Variants in ALDH9A1 observed in about 807,000 individuals in gnomAD.
ALDH9A1 encodes the protein aldehyde dehydrogenase 9 family member A1.
Under a neutral mutation model 56.6 loss-of-function variants are expected in ALDH9A1, and 42 were observed. The observed-to-expected ratio is 0.74, with a 90% CI of 0.58 to 0.96. The LOEUF (loss-of-function observed/expected upper bound fraction) is 0.96. Among genes scored for constraint, ALDH9A1 ranks in the 40% least tolerant of loss-of-function variants. The pLI, the probability that ALDH9A1 is intolerant of heterozygous loss-of-function variation, is 0.00. For missense variants in ALDH9A1, 661 were observed against 651.5 expected (o/e 1.01, Z -0.16); for synonymous variants, 242 against 236.0 (o/e 1.03, Z -0.23).
Position 165,691,112 on chromosome 1 carries a change from C to T in ALDH9A1, c.327+4140G>A, listed in dbSNP as rs562168448. On this transcript the variant is annotated intron_variant, in intron 2 of 10. Coordinates refer to ENST00000354775, the MANE Select transcript of ALDH9A1 (RefSeq NM_000696.4). ...GCCTAACTGGGAGACACCTCCCAGT[C>T]GAGGCCGACTGACACCTCATACAGG... Among the ~76,000 whole-genome samples the T allele has an allele frequency of 1.1e-3, 161 of 152,266 alleles. 2 individuals are homozygous for T. The highest frequency in any genetic ancestry group is 5.7e-4 in the Non-Finnish European group (39 of 68,000).
At chr1:165,682,693 G>A (rs894432660) in intron 3 of ALDH9A1, 27 of 358,050 alleles carry the variant, frequency 7.5e-5, no homozygotes, top group Non-Finnish European at 1.1e-4. Flanking sequence ...ATGACAAACC[G>A]ATTCTTATGA....
At chr1:165,665,868 C>T (rs1355573067) in intron 9 of ALDH9A1, among the ~76,000 whole-genome samples, 1 of 152,068 alleles carries the variant, frequency 6.6e-6, no homozygotes. Flanking sequence ...AAAAGTTAAA[C>T]ATAAAGTTAC....
chr1:165,663,084 C>A lies in ALDH9A1; in HGVS notation c.1523G>T (p.Cys508Phe). 6.2e-7 allele frequency: 1 copy of A among 1,614,070 alleles called. No homozygotes were observed. The highest frequency in any genetic ancestry group is 1.1e-5 in the South Asian group (1 of 91,090). The change falls in exon 11 of 11, where the codon TGT becomes TTT. Residue 508 changes from cysteine (C) to phenylalanine (F), a missense_variant. Transcript: ENST00000354775. ...IEYYSQLKTVCVEMGDVESAF is the reference protein window; with the variant it reads ...IEYYSQLKTVFVEMGDVESAF ...AGATTCCACATCACCCATCTCCACA[C>A]ACACAGTCTTCAGCTGTGAATAATA...
intron 8 of ALDH9A1, among the ~76,000 whole-genome samples, chr1:165,668,490 G>A (rs1178760912): frequency 6.6e-6 from 1 of 152,132 alleles, no homozygotes; most frequent in Non-Finnish European, 1.5e-5. Context: ...ATGGTGCCAT[G>A]CTTCCTGTAC....
intron 2 of ALDH9A1, among the ~76,000 whole-genome samples, chr1:165,691,325 A>C (rs940539990): frequency 2.0e-5 from 3 of 152,238 alleles, no homozygotes; most frequent in African/African-American, 7.2e-5. Flanking sequence ...AACTAACAGA[A>C]AGGAATAGCA....
intron 6 of ALDH9A1, among the ~76,000 whole-genome samples, chr1:165,670,888 A>G (rs1281892754): frequency 2.0e-5 from 3 of 152,284 alleles, no homozygotes; most frequent in East Asian, 1.9e-4. Flanking sequence ...CCTGGCCAAC[A>G]TGGCAAGACG....
intron 6 of ALDH9A1, chr1:165,676,726 A>G: frequency 2.0e-6 from 1 of 505,978 alleles, no homozygotes; most frequent in Non-Finnish European, 3.9e-6. Context: ...CCACTGTGTG[A>G]GAACCAACGG....
chr1:165,692,625 A>T (rs1649930129), intron 2 of ALDH9A1, among the ~76,000 whole-genome samples: 1 of 152,194 alleles, frequency 6.6e-6, no homozygotes, highest in Non-Finnish European at 1.5e-5. Context: ...ATATCGCAAA[A>T]ATGGCCATAC....
chr1:165,683,161 AT>A (rs1440203662), intron 2 of ALDH9A1, 51 bp from the exon 3 acceptor site: 21 of 1,573,550 alleles, frequency 1.3e-5, no homozygotes, highest in Non-Finnish European at 1.8e-5. Context: ...ATATGTCTTG[AT>A]GTAATTAATG....
At position 165,682,969 on chromosome 1, in the gene ALDH9A1, G is replaced by A. The variant is rs766584363; in HGVS notation, c.457+12C>T. 1.9e-6 allele frequency: 3 copies of A among 1,613,046 alleles called. No individual in the cohort carries two copies. Among genetic ancestry groups the A allele is most frequent in the South Asian group, 1.1e-5 (1 of 91,016 alleles). On this transcript the variant is annotated intron_variant, in intron 3 of 10. Transcript: ENST00000354775. ...ATTATCAGCTGGTCACAGACACCAG[G>A]TGAGGACTTACCAGCCATGGATGCA...
At chr1:165,682,865 C>CA in intron 3 of ALDH9A1, 116 bp downstream of exon 3, 1 of 1,252,914 alleles carries the variant, frequency 8.0e-7, no homozygotes, top group Non-Finnish European at 1.1e-6. Context: ...TAGAAAGTGA[C>CA]AAACCCAAGA....
intron 6 of ALDH9A1, chr1:165,671,512 G>T: frequency 2.2e-6 from 1 of 461,768 alleles, no homozygotes; most frequent in South Asian, 1.6e-5. Flanking sequence ...AAGTCTAAGG[G>T]ACCGCTCCTA....
chr1:165,671,179 TAAGA>T (rs1649167900), intron 6 of ALDH9A1: 1 of 173,374 alleles, frequency 5.8e-6, no homozygotes, highest in Non-Finnish European at 1.2e-5. Flanking sequence ...TATATGCTGT[TAAGA>T]AAGGCTATGA....
At chr1:165,695,677 T>C (rs988144827) in intron 1 of ALDH9A1, among the ~76,000 whole-genome samples, 3 of 151,688 alleles carry the variant, frequency 2.0e-5, no homozygotes. Context: ...TTGTATTTTT[T>C]AGTAGAGACC....
chr1:165,667,418 C>T lies in ALDH9A1; in HGVS notation c.1240G>A (p.Glu414Lys), dbSNP rs745741311. Reference sequence around the variant, plus strand: ...GACATAACAGGCCCAAAGATCTCTTCCTTCACACAGGTCATGTCGTCTCTG... The same window carrying T: ...GACATAACAGGCCCAAAGATCTCTTTCTTCACACAGGTCATGTCGTCTCTG... ...NCRDDMTCVK[E>K]EIFGPVMSIL... Residue 414 changes from glutamate to lysine, a missense_variant, in exon 9 of 11, where the codon GAA (glutamate) becomes AAA (lysine). Transcript: ENST00000354775. 2 of 1,614,054 alleles carry T rather than the reference C, an allele frequency of 1.2e-6. No homozygotes were observed. The highest frequency in any genetic ancestry group is 2.2e-5 in the South Asian group (2 of 91,078).
intron 6 of ALDH9A1, among the ~76,000 whole-genome samples, chr1:165,670,898 G>A (rs79933726): frequency 0.016 from 2,403 of 152,066 alleles, 66 homozygotes; most frequent in African/African-American, 0.054. Flanking sequence ...ATGGCAAGAC[G>A]TCATCTCTAC....
Position 165,682,023 on chromosome 1 carries a change from G to A in ALDH9A1, c.592+84C>T, listed in dbSNP as rs73014541. 399 of 1,535,404 alleles carry A rather than the reference G, an allele frequency of 2.6e-4. 1 individual carries two copies. The African/African-American group carries it at 5.2e-3, about 20-fold the overall frequency. On this transcript the variant is annotated intron_variant, in intron 4 of 10. Coordinates refer to ENST00000354775, the MANE Select transcript of ALDH9A1 (RefSeq NM_000696.4). ...TTCCGATTTAAAGTGTGTGTTTATA[G>A]AGAGGTGAAAGGTAGAGAATGGGGA...
intron 10 of ALDH9A1, among the ~76,000 whole-genome samples, 159 bp from the exon 11 acceptor site, chr1:165,663,303 A>G (rs1053854250): frequency 6.6e-6 from 1 of 152,198 alleles, no homozygotes; most frequent in African/African-American, 2.4e-5. Context: ...CTGTGAATGG[A>G]GCTAGGCATG....
intron 2 of ALDH9A1, among the ~76,000 whole-genome samples, chr1:165,691,028 A>C (rs921866922): frequency 3.9e-5 from 6 of 152,104 alleles, no homozygotes; most frequent in Non-Finnish European, 8.8e-5. Context: ...TCCAGCATGG[A>C]GTTTGAGATC....
Sources: allele counts gnomAD v4.1 joint callset (sites outside exome capture counted in the v4.1 genomes callset), GRCh38; gene constraint gnomAD v4.1.1; transcripts MANE v1.5; gene names NCBI Gene and HGNC (gene_info 2026-07-23, HGNC 2026-07-21).